Variants in SLF1 observed in about 807,000 individuals in gnomAD.
SLF1 encodes SMC5/6 complex localization factor 1, also known as SMC5-SMC6 complex localization factor protein 1.
A neutral mutation model predicts 123.0 loss-of-function variants in SLF1; 105 were observed. The observed-to-expected ratio is 0.85, with a 90% CI of 0.73 to 1.00. The LOEUF is 1.00. Ranked by LOEUF, SLF1 falls within the 50% of genes least tolerant of loss-of-function variation. The probability of loss-of-function intolerance (pLI) is 0.00; values close to 1 mark genes in which losing one functional copy is unlikely to be tolerated. For synonymous variants in SLF1, 434 were observed against 406.6 expected (o/e 1.07, Z -0.81); for missense variants, 1,239 against 1,223.0 (o/e 1.01, Z -0.20).
At position 94,662,185 on chromosome 5, in the gene SLF1, C is replaced by T. The variant is rs572558250; in HGVS notation, c.1156-113C>T. The T allele has an allele frequency of 3.3e-5, 24 of 721,728 alleles. No homozygotes were observed. In the East Asian group the frequency reaches 5.6e-4, roughly 17 times the overall value. The allele number at this position is 721,728 out of a possible 1,614,324, so 44.7% of individuals were successfully genotyped here. Reference sequence around the variant, plus strand: ...AATATGAGTATCATATTAATTATAGCTATTAATGTGTTCCTGGATCTGTTT... The same window carrying T: ...AATATGAGTATCATATTAATTATAGTTATTAATGTGTTCCTGGATCTGTTT... On this transcript the variant is annotated intron_variant, in intron 9 of 20. Coordinates refer to ENST00000265140, the MANE Select transcript of SLF1 (RefSeq NM_032290.4).
intron 14 of SLF1, among the ~76,000 whole-genome samples, chr5:94,671,518 GC>G (rs1750448614): frequency 6.6e-6 from 1 of 151,666 alleles, no homozygotes; most frequent in Non-Finnish European, 1.5e-5. Flanking sequence ...AGCGTATATA[GC>G]AACATAACTT....
intron 14 of SLF1, among the ~76,000 whole-genome samples, chr5:94,676,759 T>C (rs1751116561): frequency 6.6e-6 from 1 of 152,256 alleles, no homozygotes; most frequent in African/African-American, 2.4e-5. Context: ...CCATAAACAC[T>C]GTTCTGGCAA....
At position 94,692,073 on chromosome 5, in the gene SLF1, G is replaced by C. The variant is rs563365162; in HGVS notation, c.2513-1G>C. 6.2e-7 allele frequency: 1 copy of C among 1,612,652 alleles called. No homozygotes were observed. Among genetic ancestry groups the C allele is most frequent in the African/African-American group, 1.3e-5 (1 of 74,948 alleles). ...AAAACTTGCCTTGATTTCTAATTTA[G>C]ACAATGCTGGCTGGACGCCTTTGCA... On this transcript the variant is annotated splice_acceptor_variant, in intron 19 of 20. Coordinates refer to ENST00000265140, the MANE Select transcript of SLF1 (RefSeq NM_032290.4). LOFTEE classifies it high-confidence loss of function.
At chr5:94,663,657 GAATA>G (rs988228208) in intron 10 of SLF1, 89 bp from the exon 11 acceptor site, 22 of 1,100,576 alleles carry the variant, frequency 2.0e-5, no homozygotes, top group Non-Finnish European at 2.7e-5. Flanking sequence ...ATGAATGAAT[GAATA>G]AATAAATAAT....
rs373579198 is a variant in SLF1, at chr5:94,649,185, A to G, written c.595-269A>G. Among the ~76,000 whole-genome samples the G allele has an allele frequency of 1.7e-4, 26 of 152,330 alleles. No individual in the cohort carries two copies. The South Asian group carries it at 5.4e-3, about 32-fold the overall frequency. ...AGATAAAATATTTTTGTTCTTGGTT[A>G]TTCATAAAAATGACTTGTTAGTAGA... On this transcript the variant is annotated intron_variant, in intron 5 of 20. Transcript: ENST00000265140.
chr5:94,654,643 A>G lies in SLF1; in HGVS notation c.1046A>G (p.Asn349Ser). 2 of 1,538,348 alleles carry G rather than the reference A, an allele frequency of 1.3e-6. No individual in the cohort carries two copies. The highest frequency in any genetic ancestry group is 2.5e-5 in the South Asian group (2 of 81,576). The change falls in exon 9 of 21, where the codon AAT (asparagine) becomes AGT (serine). Residue 349 changes from asparagine to serine, a missense_variant. By Grantham distance (46) the Asn-to-Ser change is conservative (BLOSUM62 1). Coordinates refer to ENST00000265140, the MANE Select transcript of SLF1 (RefSeq NM_032290.4). ...IYNRDQKEMK[N>S]SIFAEYAKES... ...TGCTATATGCAGAAAGAAATGAAGA[A>G]TTCTATTTTTGCTGAATATGCCAAA...
intron 16 of SLF1, among the ~76,000 whole-genome samples, chr5:94,687,401 A>G (rs939378846): frequency 3.5e-4 from 53 of 152,342 alleles, no homozygotes; most frequent in African/African-American, 1.2e-3. Flanking sequence ...GTAATCACCA[A>G]ATAGAAATTT....
chr5:94,653,543 C>A, intron 8 of SLF1, 122 bp downstream of exon 8: 2 of 818,718 alleles, frequency 2.4e-6, no homozygotes, highest in Non-Finnish European at 3.5e-6. Flanking sequence ...GTGTAATATT[C>A]ATAGTTAATA....
At chr5:94,644,451 C>A (rs1336484832) in intron 5 of SLF1, among the ~76,000 whole-genome samples, 1 of 152,144 alleles carries the variant, frequency 6.6e-6, no homozygotes, top group Non-Finnish European at 1.5e-5. Context: ...TACAAGTTCC[C>A]ACAGGATTCC....
chr5:94,666,620 C>T (rs1264247346), intron 12 of SLF1, among the ~76,000 whole-genome samples: 6 of 152,014 alleles, frequency 3.9e-5, no homozygotes, highest in African/African-American at 1.4e-4. Flanking sequence ...TATTTGATAA[C>T]CCTTATTCTT....
chr5:94,682,815 G>A (rs761071436), intron 15 of SLF1, among the ~76,000 whole-genome samples: 2 of 152,126 alleles, frequency 1.3e-5, no homozygotes, highest in African/African-American at 2.4e-5. Flanking sequence ...AATTCCTCAT[G>A]TAGTGGCTTA....
At chr5:94,643,801 C>T (rs562054640) in intron 5 of SLF1, among the ~76,000 whole-genome samples, 1 of 152,210 alleles carries the variant, frequency 6.6e-6, no homozygotes, top group East Asian at 1.9e-4. Flanking sequence ...CCCCTACATC[C>T]TCCTCCTTAC....
chr5:94,630,667 G>A lies in SLF1; in HGVS notation c.355G>A (p.Gly119Ser). The A allele has an allele frequency of 6.4e-7, 1 of 1,551,706 alleles. No individual in the cohort carries two copies. The highest frequency in any genetic ancestry group is 8.7e-7 in the Non-Finnish European group (1 of 1,146,994). Residue 119 changes from glycine (G) to serine (S), a missense_variant, in exon 4 of 21, where the codon GGT becomes AGT. Gly to Ser is a moderately conservative substitution (Grantham distance 56). Coordinates refer to ENST00000265140, the MANE Select transcript of SLF1 (RefSeq NM_032290.4). ...KRWREELKRTGAPGAFHRWKV... is the reference protein window; with the variant it reads ...KRWREELKRTSAPGAFHRWKV... The stretch of plus-strand genomic sequence containing the variant: ...ATGGCGTGAAGAACTGAAACGCACT[G>A]GTGCTCCAGGAGCCTTCCACAGATG...
intron 1 of SLF1, chr5:94,620,056 T>C (rs977119542): frequency 2.0e-5 from 3 of 152,182 alleles, no homozygotes; most frequent in African/African-American, 7.2e-5. Flanking sequence ...TGTTTTGTAT[T>C]TTTAATAGAG....
intron 6 of SLF1, among the ~76,000 whole-genome samples, chr5:94,649,990 C>T (rs1747496706): frequency 6.6e-6 from 1 of 152,030 alleles, no homozygotes; most frequent in Admixed American, 6.6e-5. Context: ...TTTAAAAATA[C>T]ACAAATGAAG....
chr5:94,631,320 A>T (rs1326581964), intron 4 of SLF1, among the ~76,000 whole-genome samples: 1 of 152,104 alleles, frequency 6.6e-6, no homozygotes, highest in Non-Finnish European at 1.5e-5. Context: ...ATGAGTTTGG[A>T]CAAATTGATG....
intron 9 of SLF1, among the ~76,000 whole-genome samples, chr5:94,655,212 C>T (rs1312235063): frequency 3.9e-5 from 6 of 152,126 alleles, no homozygotes; most frequent in Non-Finnish European, 7.4e-5. Context: ...CGTGAGTGTT[C>T]TTGGCACCTT....
chr5:94,633,030 G>T lies in SLF1; in HGVS notation c.431+2287G>T, dbSNP rs571747983. Among the ~76,000 whole-genome samples, 37 of 151,814 alleles carry T rather than the reference G, an allele frequency of 2.4e-4. 1 individual carries two copies. The South Asian group carries it at 7.1e-3, about 29-fold the overall frequency. On this transcript the variant is annotated intron_variant, in intron 4 of 20. Coordinates refer to ENST00000265140, the MANE Select transcript of SLF1 (RefSeq NM_032290.4). ...TTTGAGGTAGCGTTTTGCTCTTGTT[G>T]CCCCGGCTGGAGTGCAGTGGCGTGA... is the stretch of plus-strand genomic sequence containing the variant.
intron 5 of SLF1, among the ~76,000 whole-genome samples, chr5:94,643,796 A>G (rs541752512): frequency 9.2e-5 from 14 of 152,212 alleles, no homozygotes; most frequent in African/African-American, 3.4e-4. Flanking sequence ...CTATTCCCCT[A>G]CATCCTCCTC....
Sources: allele counts gnomAD v4.1 joint callset (sites outside exome capture counted in the v4.1 genomes callset), GRCh38; gene constraint gnomAD v4.1.1; transcripts MANE v1.5; gene names NCBI Gene and HGNC (gene_info 2026-07-23, HGNC 2026-07-21).